Variants in ESR1 observed in about 807,000 individuals in gnomAD.
ESR1 encodes estrogen receptor 1, also known as estrogen receptor.
Under a neutral mutation model 52.7 loss-of-function variants are expected in ESR1, and 12 were observed. The observed-to-expected ratio is 0.23, with a 90% CI of 0.15 to 0.37. The LOEUF is 0.37. ESR1 is among the 10% of genes least tolerant of loss of function. ESR1 has a pLI of 1.00. For missense variants in ESR1, 584 were observed against 779.7 expected (o/e 0.75, Z 2.99); for synonymous variants, 305 against 316.8 (o/e 0.96, Z 0.39).
intron 1 of ESR1, among the ~76,000 whole-genome samples, chr6:151,663,601 TATCATGC>T (rs1375797674): frequency 6.6e-6 from 1 of 152,178 alleles, no homozygotes; most frequent in Non-Finnish European, 1.5e-5. Flanking sequence ...CTTTGTTCAA[TATCATGC>T]ATTTTTTTTG....
At chr6:151,954,404 A>G (rs910322628) in intron 4 of ESR1, among the ~76,000 whole-genome samples, 4 of 152,206 alleles carry the variant, frequency 2.6e-5, no homozygotes, top group Non-Finnish European at 5.9e-5. Flanking sequence ...CCCTCACACA[A>G]TAGTAGGAAA....
intron 3 of ESR1, among the ~76,000 whole-genome samples, chr6:151,943,830 G>A (rs151282471): frequency 3.9e-5 from 6 of 152,198 alleles, no homozygotes; most frequent in Non-Finnish European, 7.4e-5. Context: ...CTAGTGTGTC[G>A]GAATCAGTTT....
At chr6:152,112,962 T>G (rs1262485070) in intron 6 of ESR1, 1 of 152,256 alleles carries the variant, frequency 6.6e-6, no homozygotes, top group African/African-American at 2.4e-5. Context: ...ACGAACGTGT[T>G]TTCAGGGAAG....
intron 4 of ESR1, among the ~76,000 whole-genome samples, chr6:152,002,481 A>C (rs34574174): frequency 0.037 from 5,561 of 152,082 alleles, 267 homozygotes; most frequent in African/African-American, 0.11. Flanking sequence ...GTTGATGGAA[A>C]GAATGTATGT....
chr6:152,113,653 C>T (rs181729489), intron 6 of ESR1, among the ~76,000 whole-genome samples: 3 of 152,174 alleles, frequency 2.0e-5, no homozygotes, highest in Non-Finnish European at 4.4e-5. Context: ...TTTTAAGAGA[C>T]TTTCTCCTCA....
At chr6:151,709,018 T>C (rs1044453805) in intron 2 of ESR1, among the ~76,000 whole-genome samples, 2 of 152,178 alleles carry the variant, frequency 1.3e-5, no homozygotes, top group African/African-American at 4.8e-5. Context: ...TATAATATAT[T>C]GTTATTAACT....
At chr6:152,071,948 A>G (rs898086617) in intron 6 of ESR1, among the ~76,000 whole-genome samples, 4 of 152,224 alleles carry the variant, frequency 2.6e-5, no homozygotes, top group African/African-American at 9.6e-5. Flanking sequence ...CTCTTCATAC[A>G]TATTGCCTAC....
intron 3 of ESR1, among the ~76,000 whole-genome samples, chr6:151,923,530 A>G (rs2032108671): frequency 6.6e-6 from 1 of 152,146 alleles, no homozygotes; most frequent in Admixed American, 6.5e-5. Context: ...GGTCTGTTTA[A>G]TATCTTTCTT....
intron 4 of ESR1, among the ~76,000 whole-genome samples, chr6:151,999,853 ATTTTG>A (rs1278187112): frequency 6.6e-6 from 1 of 152,042 alleles, no homozygotes; most frequent in African/African-American, 2.4e-5. Context: ...TTTTAAAAAT[ATTTTG>A]TTTTATGCAC....
intron 4 of ESR1, 43 bp downstream of exon 4, chr6:151,944,551 A>G (rs1172223522): frequency 6.4e-7 from 1 of 1,559,780 alleles, no homozygotes; most frequent in Non-Finnish European, 8.8e-7. Flanking sequence ...ATAGCTTTTC[A>G]AGAACTTGTT....
intron 2 of ESR1, among the ~76,000 whole-genome samples, chr6:151,797,455 G>A (rs1776820576): frequency 6.6e-6 from 1 of 152,174 alleles, no homozygotes; most frequent in South Asian, 2.1e-4. Flanking sequence ...ACTTAGAAAG[G>A]ACTTTATTCC....
Position 152,002,185 on chromosome 6 carries a change from AGTGTGTGTGTGTGT to A in ESR1, c.1097-9447_1097-9434del, listed in dbSNP as rs10578838. The stretch of plus-strand genomic sequence containing the variant: ...AGGTGTTCCTCTAGATTTTAAATCA[AGTGTGTGTGTGTGT>A]GTGTGTGTGTGTGTGTGTGTGTGGA... On this transcript the variant is annotated intron_variant, in intron 4 of 7. Transcript: ENST00000206249. 4.2e-5 allele frequency among the ~76,000 whole-genome samples: 6 copies of A among 141,494 alleles called. No individual in the cohort carries two copies. The Middle Eastern group carries it at 0.01, about 247-fold the overall frequency. The allele number at this position is 141,494 out of a possible 152,430, so 92.8% of individuals were successfully genotyped here.
At chr6:151,911,107 C>T (rs559225961) in intron 3 of ESR1, among the ~76,000 whole-genome samples, 1 of 152,306 alleles carries the variant, frequency 6.6e-6, no homozygotes, top group South Asian at 2.1e-4. Context: ...TGCTGTGTGG[C>T]CCAGTTCCTA....
intron 2 of ESR1, among the ~76,000 whole-genome samples, chr6:151,748,223 A>C (rs1192428068): frequency 6.6e-6 from 1 of 152,234 alleles, no homozygotes; most frequent in Non-Finnish European, 1.5e-5. Context: ...TGAAACATGC[A>C]GAAAGTATTC....
intron 2 of ESR1, among the ~76,000 whole-genome samples, chr6:151,725,864 A>G (rs1781799626): frequency 6.6e-6 from 1 of 152,250 alleles, no homozygotes; most frequent in East Asian, 1.9e-4. Flanking sequence ...ACTTGCAAAT[A>G]TTATTAAGAT....
intron 4 of ESR1, among the ~76,000 whole-genome samples, chr6:152,008,620 C>T (rs1207513845): frequency 2.6e-5 from 4 of 152,114 alleles, no homozygotes; most frequent in Non-Finnish European, 5.9e-5. Context: ...CCATATTGAT[C>T]GGTTACATGG....
chr6:151,722,489 G>A (rs1781532169), intron 2 of ESR1, among the ~76,000 whole-genome samples: 2 of 152,196 alleles, frequency 1.3e-5, no homozygotes, highest in African/African-American at 4.8e-5. Context: ...CCAAAGCTTT[G>A]TCCTTGTGTG....
chr6:151,832,247 G>C (rs1040226094), intron 1 of ESR1, among the ~76,000 whole-genome samples: 3 of 152,158 alleles, frequency 2.0e-5, no homozygotes, highest in African/African-American at 7.2e-5. Flanking sequence ...CTACCACATG[G>C]TTAGGGTTTG....
intron 3 of ESR1, among the ~76,000 whole-genome samples, chr6:151,914,954 A>G (rs1417615693): frequency 6.6e-6 from 1 of 152,204 alleles, no homozygotes; most frequent in Admixed American, 6.5e-5. Flanking sequence ...TTCACTTCCT[A>G]TACCAACGGA....
Sources: allele counts gnomAD v4.1 joint callset (sites outside exome capture counted in the v4.1 genomes callset), GRCh38; gene constraint gnomAD v4.1.1; transcripts MANE v1.5; gene names NCBI Gene and HGNC (gene_info 2026-07-23, HGNC 2026-07-21).